Variants in UNC13C observed in about 807,000 individuals in gnomAD.
UNC13C encodes the protein unc-13 homolog C.
UNC13C carries 174 observed loss-of-function variants against 245.4 expected under a neutral mutation model. The observed-to-expected ratio is 0.71, with a 90% CI of 0.63 to 0.80. The LOEUF (loss-of-function observed/expected upper bound fraction) is 0.80. Among genes scored for constraint, UNC13C ranks in the 30% least tolerant of loss-of-function variants. The pLI is 0.00. For synonymous variants in UNC13C, 992 were observed against 895.1 expected (o/e 1.11, Z -1.93); for missense variants, 2,829 against 2,602.9 (o/e 1.09, Z -1.89).
At chr15:53,898,206 C>CCACCAT in the UNC13C span, among the ~76,000 whole-genome samples, 3,173 of 150,962 alleles carry the variant, frequency 0.021, 30 homozygotes, top group Middle Eastern at 0.045. Context: ...ACCACCACCA[C>CCACCAT]CATCATCATC....
At chr15:54,366,197 T>A (rs1455045034) in intron 17 of UNC13C, among the ~76,000 whole-genome samples, 1 of 152,200 alleles carries the variant, frequency 6.6e-6, no homozygotes, top group African/African-American at 2.4e-5. Context: ...ATTTAGAATT[T>A]ATTGCAGACA....
intron 19 of UNC13C, among the ~76,000 whole-genome samples, chr15:54,455,205 C>CTCTCTATA (rs1388065398): frequency 2.1e-3 from 40 of 18,948 alleles, no homozygotes; most frequent in Non-Finnish European, 2.3e-3. Flanking sequence ...CTCTCTCTCT[C>CTCTCTATA]TATATATATA....
chr15:54,199,803 T>C (rs1300968043), intron 4 of UNC13C, among the ~76,000 whole-genome samples: 2 of 152,012 alleles, frequency 1.3e-5, no homozygotes, highest in Non-Finnish European at 2.9e-5. Flanking sequence ...AGGTATTCAG[T>C]CAACAAATAC....
chr15:54,396,059 G>A (rs1036993562), intron 18 of UNC13C, among the ~76,000 whole-genome samples: 1 of 150,526 alleles, frequency 6.6e-6, no homozygotes, highest in Non-Finnish European at 1.5e-5. Flanking sequence ...TTAGGTCCAG[G>A]TTTCTGTCTC....
At chr15:53,847,491 G>A in the UNC13C span, among the ~76,000 whole-genome samples, 2 of 151,352 alleles carry the variant, frequency 1.3e-5, no homozygotes, top group African/African-American at 4.9e-5. Context: ...CAAGCAGCTG[G>A]GATTACAGGT....
At chr15:54,023,894 G>T (rs1895999197) in intron 2 of UNC13C, among the ~76,000 whole-genome samples, 1 of 152,150 alleles carries the variant, frequency 6.6e-6, no homozygotes, top group Non-Finnish European at 1.5e-5. Flanking sequence ...AACCTCAGAT[G>T]AATAGTTTTT....
chr15:53,967,082 G>A, the UNC13C span, among the ~76,000 whole-genome samples: 2 of 151,554 alleles, frequency 1.3e-5, no homozygotes, highest in Non-Finnish European at 2.9e-5. Context: ...TTTCCAATAC[G>A]AATTTGTTAC....
intron 14 of UNC13C, among the ~76,000 whole-genome samples, chr15:54,323,573 G>A (rs1357102875): frequency 6.6e-6 from 1 of 151,964 alleles, no homozygotes; most frequent in African/African-American, 2.4e-5. Flanking sequence ...TATAAAATAT[G>A]AGAATTTTGT....
chr15:54,045,652 T>C (rs796628823), intron 2 of UNC13C, among the ~76,000 whole-genome samples: 105 of 152,326 alleles, frequency 6.9e-4, no homozygotes, highest in African/African-American at 2.4e-3. Context: ...CCTGACTGCC[T>C]GGCTGAAATC....
At chr15:54,270,290 T>TA (rs2036653025) in intron 10 of UNC13C, among the ~76,000 whole-genome samples, 1 of 152,204 alleles carries the variant, frequency 6.6e-6, no homozygotes, top group Non-Finnish European at 1.5e-5. Flanking sequence ...AACTCATCCA[T>TA]ACCTTCCCCT....
intron 29 of UNC13C, among the ~76,000 whole-genome samples, chr15:54,562,045 T>C (rs1897315422): frequency 6.6e-6 from 1 of 151,840 alleles, no homozygotes; most frequent in South Asian, 2.1e-4. Flanking sequence ...GGAAGGCTAT[T>C]TTCCTAGTGC....
chr15:54,545,545 T>C (rs1896446106), intron 26 of UNC13C, among the ~76,000 whole-genome samples: 1 of 152,078 alleles, frequency 6.6e-6, no homozygotes, highest in African/African-American at 2.4e-5. Context: ...TTGCAATATA[T>C]CCATCTGGGC....
intron 2 of UNC13C, among the ~76,000 whole-genome samples, chr15:54,031,317 G>A (rs771699054): frequency 1.3e-5 from 2 of 152,234 alleles, no homozygotes; most frequent in Admixed American, 6.5e-5. Context: ...TCCGCCTCCC[G>A]GGTTCACGCC....
At position 54,555,512 on chromosome 15, in the gene UNC13C, G is replaced by A; in HGVS notation, c.5958G>A (p.Lys1986=). 6.2e-7 allele frequency: 1 copy of A among 1,610,202 alleles called. No individual in the cohort carries two copies. Among genetic ancestry groups the A allele is most frequent in the Non-Finnish European group, 8.5e-7 (1 of 1,177,722 alleles). The change falls in exon 29 of 33, where the codon AAG becomes AAA. Residue 1986 remains lysine (K), a splice_region_variant and synonymous_variant. Transcript: ENST00000260323. The stretch of plus-strand genomic sequence containing the variant: ...TGGAGGTAGTCCTGGCTACCATCAA[G>A]GTGAGATTATAATGCTCCTATATAT... The part of the protein sequence containing the change: ...AIMEVVLATI[K]QYFHAGGNGL...
At chr15:53,973,913 G>T (rs1893617784), upstream of UNC13C, among the ~76,000 whole-genome samples, 1 of 152,060 alleles carries the variant, frequency 6.6e-6, no homozygotes, top group Admixed American at 6.6e-5. Flanking sequence ...AAAAATTACA[G>T]ATTGTGCCAT....
intron 13 of UNC13C, among the ~76,000 whole-genome samples, chr15:54,311,681 A>C (rs1268203713): frequency 2.6e-5 from 4 of 151,888 alleles, no homozygotes; most frequent in African/African-American, 9.6e-5. Context: ...TATCTATTTT[A>C]CAGTAATTTT....
At chr15:54,623,193 G>A (rs1378704056) in intron 31 of UNC13C, among the ~76,000 whole-genome samples, 2 of 150,544 alleles carry the variant, frequency 1.3e-5, no homozygotes, top group Non-Finnish European at 2.9e-5. Context: ...TCTTCATTTA[G>A]TATTTTTTTT....
intron 13 of UNC13C, among the ~76,000 whole-genome samples, chr15:54,300,684 T>G (rs906560583): frequency 7.2e-5 from 11 of 152,126 alleles, no homozygotes; most frequent in Admixed American, 7.2e-4. Flanking sequence ...TCAGAAACTC[T>G]GAGGGTGGAA....
intron 2 of UNC13C, among the ~76,000 whole-genome samples, chr15:54,087,160 T>C (rs1268272110): frequency 6.6e-6 from 1 of 152,170 alleles, no homozygotes; most frequent in African/African-American, 2.4e-5. Context: ...ATTTTTCTTA[T>C]TGTTTTCACT....
Sources: gnomAD v4.1 joint callset for allele counts (sites outside exome capture counted in the v4.1 genomes callset) on GRCh38, gnomAD v4.1.1 for gene constraint, MANE v1.5 for transcripts, NCBI Gene and HGNC (gene_info 2026-07-23, HGNC 2026-07-21) for gene names.